CORO2A: variants seen among roughly 807,000 people sequenced by gnomAD.
The protein encoded by CORO2A is coronin-2A.
Under a neutral mutation model 62.4 loss-of-function variants are expected in CORO2A, and 47 were observed. The ratio of observed to expected loss-of-function variants is 0.75; its 90% CI spans 0.60 to 0.96. CORO2A has a LOEUF of 0.96. CORO2A is among the 40% of genes least tolerant of loss of function. The pLI is 0.00. For missense variants in CORO2A, 610 were observed against 684.1 expected (o/e 0.89, Z 1.21); for synonymous variants, 273 against 268.9 (o/e 1.02, Z -0.15).
At chr9:98,146,470 C>T (rs1004449224) in intron 2 of CORO2A, among the ~76,000 whole-genome samples, 20 of 152,350 alleles carry the variant, frequency 1.3e-4, no homozygotes, top group Admixed American at 6.5e-5. Flanking sequence ...TGGGGCAGCC[C>T]GGCCCCTCTG....
intron 1 of CORO2A, among the ~76,000 whole-genome samples, chr9:98,176,317 A>G (rs1828108667): frequency 6.6e-6 from 1 of 152,198 alleles, no homozygotes; most frequent in African/African-American, 2.4e-5. Context: ...GGTAAGCACC[A>G]AATACAATAC....
intron 1 of CORO2A, among the ~76,000 whole-genome samples, chr9:98,181,193 G>C (rs148949980): frequency 5.3e-5 from 8 of 152,094 alleles, no homozygotes; most frequent in African/African-American, 1.7e-4. Context: ...GACTCCCTCT[G>C]CAAGTCAGGC....
At chr9:98,186,921 A>G (rs977306544) in intron 1 of CORO2A, among the ~76,000 whole-genome samples, 8 of 152,040 alleles carry the variant, frequency 5.3e-5, no homozygotes, top group Non-Finnish European at 1.2e-4. Flanking sequence ...GGCCTGGACT[A>G]TTTCTACAGC....
At chr9:98,161,351 C>T (rs1280355944) in intron 1 of CORO2A, among the ~76,000 whole-genome samples, 1 of 152,012 alleles carries the variant, frequency 6.6e-6, no homozygotes, top group African/African-American at 2.4e-5. Flanking sequence ...GTCAGGAGTT[C>T]GAGACCAGCC....
chr9:98,159,551 C>T (rs1827856481), intron 1 of CORO2A, among the ~76,000 whole-genome samples: 1 of 151,566 alleles, frequency 6.6e-6, no homozygotes, highest in Admixed American at 6.6e-5. Flanking sequence ...CCGTCCCTCT[C>T]CTTCTGCTTG....
chr9:98,155,276 T>C (rs575653314), intron 2 of CORO2A, among the ~76,000 whole-genome samples: 3 of 152,202 alleles, frequency 2.0e-5, no homozygotes, highest in Admixed American at 6.5e-5. Context: ...GTTTATTATA[T>C]CCTTTTCCAC....
chr9:98,136,977 T>G (rs949430737), intron 3 of CORO2A, among the ~76,000 whole-genome samples: 2 of 152,214 alleles, frequency 1.3e-5, no homozygotes, highest in African/African-American at 4.8e-5. Flanking sequence ...TGTGAGCCAC[T>G]GAACCTGGCA....
rs11342322 is a variant in CORO2A at position 98,127,817 on chromosome 9, C to CAAA, written c.1171+350_1171+352dup. On this transcript the variant is annotated intron_variant, in intron 10 of 11. Transcript: ENST00000375077. ...TGGGCAACAAAGCGAGACTCTGTCT[C>CAAA]AAAAAAAAAAAAAAAAAAAAAAAAA... Among the ~76,000 whole-genome samples the CAAA allele has an allele frequency of 3.3e-4, 16 of 49,036 alleles. 1 individual carries two copies. Among genetic ancestry groups the CAAA allele is most frequent in the East Asian group, 7.1e-4 (1 of 1,412 alleles). 32.2% of individuals were successfully genotyped at this position (49,036 alleles called of 152,430 possible). A position where few individuals can be genotyped will look rare whatever the true frequency, so the allele number is the denominator to read the frequency against.
chr9:98,142,558 A>G (rs142060625), intron 2 of CORO2A, among the ~76,000 whole-genome samples: 1 of 152,202 alleles, frequency 6.6e-6, no homozygotes. Flanking sequence ...CCATGCCCCA[A>G]TTTCCGCAGT....
At chr9:98,157,763 A>C (rs1827826930) in intron 1 of CORO2A, 103 bp from the exon 2 acceptor site, 1 of 1,105,272 alleles carries the variant, frequency 9.0e-7, no homozygotes. Context: ...CGAGCAGGAC[A>C]GTGGTCAGTT....
intron 1 of CORO2A, among the ~76,000 whole-genome samples, chr9:98,183,608 A>G (rs1396917452): frequency 6.6e-6 from 1 of 152,234 alleles, no homozygotes; most frequent in Non-Finnish European, 1.5e-5. Context: ...GATGGAAAAT[A>G]TTCGAAAAAA....
chr9:98,129,680 C>A, intron 8 of CORO2A, 114 bp downstream of exon 8: 1 of 777,292 alleles, frequency 1.3e-6, no homozygotes, highest in Non-Finnish European at 2.3e-6. Context: ...CTCCTCCCAT[C>A]TGACTCATCC....
At chr9:98,130,510 AG>A (rs1433573951) in intron 7 of CORO2A, among the ~76,000 whole-genome samples, 1 of 152,214 alleles carries the variant, frequency 6.6e-6, no homozygotes, top group Non-Finnish European at 1.5e-5. Context: ...CAGCAGCAAA[AG>A]TCAGAACTGG....
intron 2 of CORO2A, among the ~76,000 whole-genome samples, chr9:98,145,230 T>A (rs1285183907): frequency 6.6e-6 from 1 of 152,098 alleles, no homozygotes; most frequent in Non-Finnish European, 1.5e-5. Context: ...AGGTAATTCA[T>A]CCTACTTTCA....
intron 1 of CORO2A, among the ~76,000 whole-genome samples, chr9:98,187,048 G>C (rs906704134): frequency 2.6e-5 from 4 of 152,094 alleles, no homozygotes; most frequent in African/African-American, 4.8e-5. Flanking sequence ...GGGAGGCTGA[G>C]GGGGGCAGAT....
chr9:98,176,598 T>TG (rs1200816196), intron 1 of CORO2A, among the ~76,000 whole-genome samples: 3 of 152,092 alleles, frequency 2.0e-5, no homozygotes, highest in African/African-American at 7.2e-5. Flanking sequence ...ATGGCTCCAC[T>TG]GGGGGGTGGG....
chr9:98,137,026 T>G (rs1448833864), intron 3 of CORO2A, among the ~76,000 whole-genome samples: 1 of 152,126 alleles, frequency 6.6e-6, no homozygotes, highest in Non-Finnish European at 1.5e-5. Flanking sequence ...CACCATATTT[T>G]AGAAGTGGGT....
At chr9:98,124,940 G>A in intron 11 of CORO2A, 35 bp from the exon 12 acceptor site, 1 of 1,550,644 alleles carries the variant, frequency 6.4e-7, no homozygotes, top group Non-Finnish European at 8.7e-7. Context: ...GGATCACCAT[G>A]GTGTCAGGAC....
At chr9:98,144,046 C>T (rs906110062) in intron 2 of CORO2A, among the ~76,000 whole-genome samples, 6 of 151,890 alleles carry the variant, frequency 4.0e-5, no homozygotes, top group Non-Finnish European at 8.8e-5. Context: ...AAAATTAGTC[C>T]GGTGTAGGGA....
Sources: gnomAD v4.1 joint callset for allele counts (sites outside exome capture counted in the v4.1 genomes callset) on GRCh38, gnomAD v4.1.1 for gene constraint, MANE v1.5 for transcripts, NCBI Gene and HGNC (gene_info 2026-07-23, HGNC 2026-07-21) for gene names.